Variants in DPP6 observed in about 807,000 individuals in gnomAD.
DPP6 encodes dipeptidyl peptidase like 6.
DPP6 carries 69 observed loss-of-function variants against 122.6 expected under a neutral mutation model. The ratio of observed to expected loss-of-function variants is 0.56; its 90% CI spans 0.46 to 0.69. The LOEUF (loss-of-function observed/expected upper bound fraction) is 0.69, where lower values mean the gene tolerates loss of function less well. Ranked by LOEUF, DPP6 falls within the 30% of genes least tolerant of loss-of-function variation. The pLI is 0.00. For synonymous variants in DPP6, 418 were observed against 433.1 expected (o/e 0.97, Z 0.43); for missense variants, 928 against 1,116.9 (o/e 0.83, Z 2.41).
At chr7:154,334,575 G>A (rs558018681) in intron 1 of DPP6, among the ~76,000 whole-genome samples, 2 of 152,102 alleles carry the variant, frequency 1.3e-5, no homozygotes, top group Non-Finnish European at 2.9e-5. Flanking sequence ...GATCACTCTC[G>A]AGATTCAGTA....
chr7:154,341,455 C>T (rs533907987), intron 1 of DPP6, among the ~76,000 whole-genome samples: 35 of 151,942 alleles, frequency 2.3e-4, no homozygotes, highest in Non-Finnish European at 4.6e-4. Context: ...TCTGTAGTCG[C>T]AGATCTGATG....
chr7:154,355,784 G>C (rs1477589605), intron 1 of DPP6, among the ~76,000 whole-genome samples: 1 of 152,154 alleles, frequency 6.6e-6, no homozygotes. Flanking sequence ...AAGTGGTTTA[G>C]ATATCATCTT....
At chr7:154,887,864 C>T in intron 23 of DPP6, 130 bp downstream of exon 23, 1 of 1,085,714 alleles carries the variant, frequency 9.2e-7, no homozygotes, top group Non-Finnish European at 1.4e-6. Context: ...AGCACCAAAG[C>T]CCACTCAGAA....
chr7:153,935,804 G>A (rs745629111), intron 1 of DPP6, among the ~76,000 whole-genome samples: 7 of 152,068 alleles, frequency 4.6e-5, no homozygotes, highest in Non-Finnish European at 8.8e-5. Context: ...AGTCAAAGTC[G>A]GCTTTACAAG....
chr7:153,912,540 A>G (rs1800136263), intron 1 of DPP6, among the ~76,000 whole-genome samples: 2 of 152,212 alleles, frequency 1.3e-5, no homozygotes, highest in South Asian at 2.1e-4. Context: ...GATACTAAAA[A>G]TTGCAGCATT....
At chr7:154,439,130 C>T (rs1819148507) in intron 1 of DPP6, among the ~76,000 whole-genome samples, 1 of 152,162 alleles carries the variant, frequency 6.6e-6, no homozygotes, top group Non-Finnish European at 1.5e-5. Context: ...TTGTTAGTTA[C>T]TTAATATTTA....
At chr7:154,172,070 G>T (rs1483757530) in intron 1 of DPP6, among the ~76,000 whole-genome samples, 3 of 152,112 alleles carry the variant, frequency 2.0e-5, no homozygotes, top group African/African-American at 4.8e-5. Flanking sequence ...CTGTTGAAAA[G>T]GATGTGCCTC....
chr7:154,065,277 G>A (rs1262734952), intron 1 of DPP6, among the ~76,000 whole-genome samples: 1 of 131,696 alleles, frequency 7.6e-6, no homozygotes, highest in African/African-American at 2.9e-5. Flanking sequence ...GGCCCTGGGA[G>A]CAAGCAGGGA....
chr7:153,843,963 C>G, the DPP6 span, among the ~76,000 whole-genome samples: 1 of 151,476 alleles, frequency 6.6e-6, no homozygotes, highest in East Asian at 1.9e-4. Flanking sequence ...ATAGCCCTAT[C>G]TTATCCATAT....
chr7:154,347,812 C>G (rs1249220714), intron 1 of DPP6, among the ~76,000 whole-genome samples: 1 of 152,054 alleles, frequency 6.6e-6, no homozygotes, highest in East Asian at 1.9e-4. Flanking sequence ...TTCTTTTTTC[C>G]CCAATGGCTC....
chr7:153,858,170 T>G, the DPP6 span, among the ~76,000 whole-genome samples: 1 of 152,244 alleles, frequency 6.6e-6, no homozygotes, highest in Non-Finnish European at 1.5e-5. Flanking sequence ...CAAGAGAGTT[T>G]TCTTTGCAGT....
At chr7:154,627,762 A>G (rs767297168) in intron 5 of DPP6, among the ~76,000 whole-genome samples, 6 of 152,194 alleles carry the variant, frequency 3.9e-5, no homozygotes, top group Non-Finnish European at 7.3e-5. Flanking sequence ...CCAGACAAGA[A>G]GTCAGAAGTT....
intron 1 of DPP6, among the ~76,000 whole-genome samples, chr7:153,924,009 C>G (rs7805671): frequency 0.63 from 95,029 of 151,858 alleles, 30,142 homozygotes; most frequent in African/African-American, 0.72. Flanking sequence ...CATGAACATA[C>G]GTGTCTACAG....
At chr7:154,025,769 TTACTG>T (rs760602995) in intron 1 of DPP6, among the ~76,000 whole-genome samples, 5 of 152,084 alleles carry the variant, frequency 3.3e-5, no homozygotes, top group Non-Finnish European at 7.3e-5. Flanking sequence ...TAGTATGTGT[TTACTG>T]TATTGCTATA....
chr7:154,098,520 T>G (rs561313823), intron 1 of DPP6, among the ~76,000 whole-genome samples: 1 of 152,148 alleles, frequency 6.6e-6, no homozygotes, highest in East Asian at 1.9e-4. Context: ...TAGAGGGGCC[T>G]CCAAGAAGGA....
rs567923632 is a variant in DPP6, at chr7:154,250,295, G to A, written c.244-195919G>A. ...AGGGGTTTTGTCTGTGGCTCGTCCT[G>A]CTACAGATGGGCAGCCTTGGTTCTC... On this transcript the variant is annotated intron_variant, in intron 1 of 25. Transcript: ENST00000377770. 2.6e-5 allele frequency among the ~76,000 whole-genome samples: 4 copies of A among 152,202 alleles called. No homozygotes were observed. In the East Asian group the frequency reaches 5.8e-4, roughly 22 times the overall value.
chr7:154,785,829 TCTTTTTGTTTCA>T (rs1202380973), intron 10 of DPP6, among the ~76,000 whole-genome samples: 1 of 152,234 alleles, frequency 6.6e-6, no homozygotes, highest in African/African-American at 2.4e-5. Context: ...TGATTGCAAT[TCTTTTTGTTTCA>T]CTTTTTGTTT....
At chr7:154,381,346 C>T (rs557455030) in intron 1 of DPP6, among the ~76,000 whole-genome samples, 46 of 152,272 alleles carry the variant, frequency 3.0e-4, no homozygotes, top group African/African-American at 1.1e-3. Flanking sequence ...TTAGTGTTGT[C>T]AGTATTCTCA....
intron 1 of DPP6, among the ~76,000 whole-genome samples, chr7:154,443,354 A>C (rs1211679834): frequency 6.9e-6 from 1 of 145,864 alleles, no homozygotes; most frequent in Non-Finnish European, 1.5e-5. Flanking sequence ...AAGAAAAAAA[A>C]TGAAAAAAAA....
Sources: allele counts gnomAD v4.1 joint callset (sites outside exome capture counted in the v4.1 genomes callset), GRCh38; gene constraint gnomAD v4.1.1; transcripts MANE v1.5; gene names NCBI Gene and HGNC (gene_info 2026-07-23, HGNC 2026-07-21).